Variants in PDE4D observed in about 807,000 individuals in gnomAD.
The protein encoded by PDE4D is 3',5'-cyclic-AMP phosphodiesterase 4D.
Under a neutral mutation model 87.4 loss-of-function variants are expected in PDE4D, and 24 were observed. That is an observed-to-expected ratio of 0.27 (90% confidence interval 0.20 to 0.39). PDE4D has a LOEUF of 0.39. Ranked by LOEUF, PDE4D falls within the 10% of genes least tolerant of loss-of-function variation. PDE4D has a pLI of 1.00. For missense variants in PDE4D, 714 were observed against 1,041.0 expected, an observed-to-expected ratio of 0.69 and a Z score of 4.32; for synonymous variants, 384 against 383.2, an observed-to-expected ratio of 1.00 and a Z score of -0.02.
chr5:59,676,710 C>G (rs1748149092), intron 1 of PDE4D, among the ~76,000 whole-genome samples: 1 of 152,088 alleles, frequency 6.6e-6, no homozygotes, highest in Admixed American at 6.5e-5. Flanking sequence ...AGGGATGTTT[C>G]AATACATACA....
chr5:59,204,184 AT>A lies in PDE4D; in HGVS notation c.648-10649del, dbSNP rs545905182. ...AAAACAAGAATTAGAGCCCGGCCCC[AT>A]CTTTGACCAAAAAAAAAAAAAAAAT... On this transcript the variant is annotated intron_variant, in intron 2 of 14. Coordinates refer to ENST00000340635, the MANE Select transcript of PDE4D (RefSeq NM_001104631.2). Among the ~76,000 whole-genome samples the A allele has an allele frequency of 4.0e-3, 578 of 143,160 alleles. 37 individuals are homozygous for A. In the South Asian group the frequency reaches 0.11, roughly 27 times the overall value. 93.9% of individuals were successfully genotyped at this position (143,160 alleles called of 152,430 possible).
intron 2 of PDE4D, among the ~76,000 whole-genome samples, chr5:59,211,484 T>C (rs888172260): frequency 6.6e-6 from 1 of 152,186 alleles, no homozygotes; most frequent in Non-Finnish European, 1.5e-5. Flanking sequence ...TTTAATGAAT[T>C]TGGTCAACAA....
intron 1 of PDE4D, chr5:59,217,378 T>TAATA (rs1168852697): frequency 9.4e-6 from 4 of 425,518 alleles, no homozygotes; most frequent in Non-Finnish European, 1.9e-5. Context: ...TTATTTTCTT[T>TAATA]ATCGGAGTCA....
chr5:59,490,710 A>T (rs998154910), intron 1 of PDE4D, among the ~76,000 whole-genome samples: 1 of 152,242 alleles, frequency 6.6e-6, no homozygotes, highest in African/African-American at 2.4e-5. Flanking sequence ...AAACTATTAT[A>T]ACCAAATTTA....
At chr5:59,598,828 C>T (rs538584514) in intron 1 of PDE4D, among the ~76,000 whole-genome samples, 28 of 152,214 alleles carry the variant, frequency 1.8e-4, no homozygotes, top group Non-Finnish European at 3.2e-4. Flanking sequence ...CATGTAATCC[C>T]GGTGCTTTGC....
intron 1 of PDE4D, among the ~76,000 whole-genome samples, chr5:60,265,285 G>C (rs1363450639): frequency 6.6e-6 from 1 of 152,214 alleles, no homozygotes. Context: ...CCTATGTGAG[G>C]CTGGTTTTGA....
chr5:59,083,432 C>T (rs191453136), intron 5 of PDE4D, among the ~76,000 whole-genome samples: 17 of 152,094 alleles, frequency 1.1e-4, no homozygotes, highest in African/African-American at 4.1e-4. Context: ...ACATCCTTTC[C>T]CATTCCTCCA....
At chr5:59,016,884 A>G (rs1754110624) in intron 6 of PDE4D, among the ~76,000 whole-genome samples, 1 of 152,180 alleles carries the variant, frequency 6.6e-6, no homozygotes, top group Non-Finnish European at 1.5e-5. Context: ...CTTATGGGGC[A>G]AAAAGACAAT....
intron 1 of PDE4D, among the ~76,000 whole-genome samples, chr5:59,410,821 T>C (rs1386903378): frequency 7.5e-6 from 1 of 133,322 alleles, no homozygotes; most frequent in Non-Finnish European, 1.5e-5. Context: ...AGTGCAGATA[T>C]TTTTTTAGAC....
chr5:59,454,559 G>A (rs1799634556), intron 1 of PDE4D, among the ~76,000 whole-genome samples: 2 of 152,150 alleles, frequency 1.3e-5, no homozygotes, highest in African/African-American at 4.8e-5. Flanking sequence ...TCTCAGGTAT[G>A]TCTTTATCAG....
In PDE4D at chr5:59,841,424, C is replaced by A. The variant is rs182158818; in HGVS notation, c.455+51744G>T. ...GCCAAAAGCATTCCTGACTGACACA[C>A]AGATATTACAGAAAGTGGCAAAGTT... On this transcript the variant is annotated intron_variant, in intron 1 of 14. Transcript: ENST00000340635. Among the ~76,000 whole-genome samples the A allele has an allele frequency of 2.0e-5, 3 of 152,178 alleles. No homozygotes were observed. In the East Asian group the frequency reaches 5.8e-4, roughly 30 times the overall value.
chr5:59,290,968 G>A (rs903434891), intron 1 of PDE4D, among the ~76,000 whole-genome samples: 1 of 151,912 alleles, frequency 6.6e-6, no homozygotes, highest in African/African-American at 2.4e-5. Context: ...GGGAACCCTG[G>A]TACACTTTTG....
chr5:59,768,196 C>CT lies in PDE4D; in HGVS notation c.455+124971dup, dbSNP rs568683974. 2.8e-4 allele frequency: 444 copies of CT among 1,583,756 alleles called. 3 individuals are homozygous for CT. In the African/African-American group the frequency reaches 4.7e-3, roughly 17 times the overall value. ...CAAAATTAAAGGCGCGAGAGCAGGA[C>CT]TCCCTGAAGGGAAACGGCCACCATT... is the stretch of plus-strand genomic sequence containing the variant. On this transcript the variant is annotated intron_variant, in intron 1 of 14. Transcript: ENST00000340635.
intron 2 of PDE4D, among the ~76,000 whole-genome samples, chr5:60,047,582 G>T (rs565011230): frequency 1.3e-5 from 2 of 151,930 alleles, no homozygotes; most frequent in Non-Finnish European, 2.9e-5. Context: ...TGTTCTCATT[G>T]GTTTCAAAGA....
rs1796442436 is a variant in PDE4D, at chr5:59,433,820, T to C, written c.456-217852A>G. Among the ~76,000 whole-genome samples, 3 of 152,202 alleles carry C rather than the reference T, an allele frequency of 2.0e-5. No homozygotes were observed. In the South Asian group the frequency reaches 6.2e-4, roughly 32 times the overall value. Reference sequence around the variant, plus strand: ...AAAGCATCTGGAACATCAATTTTCATCACTATGCTAGACGTTGCAACGTTA... The same window carrying C: ...AAAGCATCTGGAACATCAATTTTCACCACTATGCTAGACGTTGCAACGTTA... On this transcript the variant is annotated intron_variant, in intron 1 of 14. Coordinates refer to ENST00000340635, the MANE Select transcript of PDE4D (RefSeq NM_001104631.2).
At chr5:59,388,657 T>G (rs961107308) in intron 1 of PDE4D, among the ~76,000 whole-genome samples, 1 of 106,650 alleles carries the variant, frequency 9.4e-6, no homozygotes, top group African/African-American at 3.0e-5. Flanking sequence ...ACTCACACAC[T>G]AGAATTCTAC....
intron 1 of PDE4D, among the ~76,000 whole-genome samples, chr5:59,278,833 C>A (rs1398903650): frequency 1.3e-5 from 2 of 152,066 alleles, no homozygotes; most frequent in East Asian, 3.9e-4. Flanking sequence ...TGCCCCGATA[C>A]AACTTGGCAA....
At chr5:59,238,324 G>C (rs1400146007) in intron 1 of PDE4D, among the ~76,000 whole-genome samples, 1 of 152,106 alleles carries the variant, frequency 6.6e-6, no homozygotes, top group Non-Finnish European at 1.5e-5. Flanking sequence ...GATGACTCTT[G>C]TAATATAGGA....
intron 1 of PDE4D, among the ~76,000 whole-genome samples, chr5:59,585,804 T>C (rs2153701636): frequency 6.6e-6 from 1 of 152,326 alleles, no homozygotes; most frequent in East Asian, 1.9e-4. Context: ...AGAATTCTAC[T>C]GGTTCATTCT....
Sources: gnomAD v4.1 joint callset for allele counts (sites outside exome capture counted in the v4.1 genomes callset) on GRCh38, gnomAD v4.1.1 for gene constraint, MANE v1.5 for transcripts, NCBI Gene and HGNC (gene_info 2026-07-23, HGNC 2026-07-21) for gene names.